The following ZNF594 variants were observed in gnomAD, a reference collection of about 807,000 sequenced individuals.
ZNF594 encodes zinc finger protein 594.
For synonymous variants in ZNF594, 336 were observed against 309.4 expected, an observed-to-expected ratio of 1.09 and a Z score of -0.90; for missense variants, 1,037 against 964.6, an observed-to-expected ratio of 1.08 and a Z score of -0.99.
downstream of ZNF594, among the ~76,000 whole-genome samples, chr17:5,176,263 T>G (rs2051582421): frequency 6.6e-6 from 1 of 151,738 alleles, no homozygotes; most frequent in African/African-American, 2.4e-5. Flanking sequence ...GGCATGGTGG[T>G]GCATGCCTGT....
chr17:5,176,424 A>G (rs2074308273), downstream of ZNF594, among the ~76,000 whole-genome samples: 1 of 151,364 alleles, frequency 6.6e-6, no homozygotes. Context: ...AAAGAATAAA[A>G]TGAAACATGT....
In ZNF594 at chr17:5,184,374, A is replaced by T. The variant is rs1248357572; in HGVS notation, c.-20-98T>A. 3.3e-6 allele frequency: 4 copies of T among 1,226,284 alleles called. No individual in the cohort carries two copies. In the Admixed American group the frequency reaches 8.4e-5, roughly 26 times the overall value. 76.0% of individuals were successfully genotyped at this position (1,226,284 alleles called of 1,614,324 possible). ...AAGAGGGAGGAACAAAGAACTCAGAAGACCTTTCCCTGCCAAAGCTGAGAT... is the reference window on the plus strand; with the variant it reads ...AAGAGGGAGGAACAAAGAACTCAGATGACCTTTCCCTGCCAAAGCTGAGAT... On this transcript the variant is annotated intron_variant, in intron 1 of 1. Coordinates refer to ENST00000575779, the MANE Select transcript of ZNF594 (RefSeq NM_032530.2).
At position 5,182,208 on chromosome 17, in the gene ZNF594, A is replaced by G. The variant is rs756925145; in HGVS notation, c.2049T>C (p.Ser683=). 2.5e-6 allele frequency: 4 copies of G among 1,613,378 alleles called. No individual in the cohort carries two copies. In the South Asian group the frequency reaches 4.4e-5, roughly 18 times the overall value. The change falls in exon 2 of 2, where the codon AGT becomes AGC. Residue 683 remains serine (S), a synonymous_variant. Transcript: ENST00000575779. ...GCCGCCTGAAGGCATTCCCACATTC[A>G]CTGCACTGATAGGGTTTCTCTCCAG... ...IHTGEKPYQC[S]ECGNAFRRRS...
rs2074365470 is a variant in ZNF594 at position 5,183,655 on chromosome 17, T to C, written c.602A>G (p.His201Arg). The change falls in exon 2 of 2, where the codon CAT (histidine) becomes CGT (arginine). Residue 201 changes from histidine (H) to arginine (R), a missense_variant. By Grantham distance (29) the His-to-Arg change is conservative. Coordinates refer to ENST00000575779, the MANE Select transcript of ZNF594 (RefSeq NM_032530.2). ...DFNQSSNLVR[H>R]KQIHSGGNPY... ...ATTCCCACCACTGTGAATTTGCTTA[T>C]GTCTCACCAGATTGGAGCTCTGATT... 1 of 1,614,254 alleles carries C rather than the reference T, an allele frequency of 6.2e-7. No homozygotes were observed. The highest frequency in any genetic ancestry group is 1.3e-5 in the African/African-American group (1 of 75,074).
downstream of ZNF594, chr17:5,175,090 T>C (rs2074295596): frequency 5.8e-6 from 1 of 172,432 alleles, no homozygotes; most frequent in Non-Finnish European, 1.3e-5. Context: ...ATAATTTCTT[T>C]CTGACTTGTA....
intron 1 of ZNF594, among the ~76,000 whole-genome samples, chr17:5,191,144 C>G (rs2074421079): frequency 6.6e-6 from 1 of 152,158 alleles, no homozygotes; most frequent in African/African-American, 2.4e-5. Context: ...CTAGCTGCCT[C>G]TCGGTTGCCG....
At position 5,183,622 on chromosome 17, in the gene ZNF594, T is replaced by G. The variant is rs2074365184; in HGVS notation, c.635A>C (p.Glu212Ala). ...KQIHSGGNPY[E>A]CKECGKAFKG... ...AAAAGCCTTCCCACACTCTTTGCACTCATAGGGATTCCCACCACTGTGAAT... is the reference window on the plus strand; with the variant it reads ...AAAAGCCTTCCCACACTCTTTGCACGCATAGGGATTCCCACCACTGTGAAT... The change falls in exon 2 of 2, where the codon GAG becomes GCG. Residue 212 changes from glutamate (E) to alanine (A), a missense_variant. Coordinates refer to ENST00000575779, the MANE Select transcript of ZNF594 (RefSeq NM_032530.2). 1 of 1,614,180 alleles carries G rather than the reference T, an allele frequency of 6.2e-7. No individual in the cohort carries two copies. Among genetic ancestry groups the G allele is most frequent in the East Asian group, 2.2e-5 (1 of 44,878 alleles).
rs78690846 is a variant in ZNF594, at chr17:5,190,623, C to G, written c.-21+1125G>C. On this transcript the variant is annotated intron_variant, in intron 1 of 1. Coordinates refer to ENST00000575779, the MANE Select transcript of ZNF594 (RefSeq NM_032530.2). Reference sequence around the variant, plus strand: ...CACACATGAAACAAGGTAGTAAGAGCCTATGAATTAGATGCTAAAAGCGCT... The same window carrying G: ...CACACATGAAACAAGGTAGTAAGAGGCTATGAATTAGATGCTAAAAGCGCT... Among the ~76,000 whole-genome samples, 1,131 of 152,254 alleles carry G rather than the reference C, an allele frequency of 7.4e-3. 20 individuals are homozygous for G. Among genetic ancestry groups the G allele is most frequent in the African/African-American group, 0.025 (1,046 of 41,548 alleles).
In ZNF594 at chr17:5,182,486, T is replaced by C. The variant is rs761981578; in HGVS notation, c.1771A>G (p.Thr591Ala). ...SDLIRHQVTHTREKPYECKEC... is the reference protein window; with the variant it reads ...SDLIRHQVTHAREKPYECKEC... ...TTGCATTCATATGGTTTCTCTCTTG[T>C]ATGAGTTACCTGATGTCTGATGAGG... The change falls in exon 2 of 2, where the codon ACA (threonine) becomes GCA (alanine). Residue 591 changes from threonine (T) to alanine (A), a missense_variant. Transcript: ENST00000575779. 5.9e-5 allele frequency: 96 copies of C among 1,613,870 alleles called. No individual in the cohort carries two copies. Among genetic ancestry groups the C allele is most frequent in the Non-Finnish European group, 7.9e-5 (93 of 1,179,974 alleles).
At chr17:5,175,873 ATAAAGT>A (rs1046491599), downstream of ZNF594, among the ~76,000 whole-genome samples, 19 of 152,140 alleles carry the variant, frequency 1.2e-4, no homozygotes, top group African/African-American at 4.6e-4. Context: ...TTGTTCACCT[ATAAAGT>A]TAAAATACGG....
chr17:5,177,720 C>T (rs747172659), downstream of ZNF594, among the ~76,000 whole-genome samples: 4 of 152,116 alleles, frequency 2.6e-5, no homozygotes, highest in Non-Finnish European at 5.9e-5. Flanking sequence ...CCTGTAACTC[C>T]AGCTACTCAG....
At chr17:5,187,326 A>G (rs1000574711) in intron 1 of ZNF594, among the ~76,000 whole-genome samples, 3 of 152,238 alleles carry the variant, frequency 2.0e-5, no homozygotes, top group African/African-American at 7.2e-5. Context: ...TGAAAACAGT[A>G]TGGGGGAACC....
intron 1 of ZNF594, among the ~76,000 whole-genome samples, chr17:5,190,646 G>A (rs929786389): frequency 1.3e-5 from 2 of 152,198 alleles, no homozygotes; most frequent in African/African-American, 4.8e-5. Flanking sequence ...TGCTAAAAGC[G>A]CTGCGGTGGC....
intron 1 of ZNF594, among the ~76,000 whole-genome samples, chr17:5,184,627 T>G (rs1214791467): frequency 6.6e-6 from 1 of 152,082 alleles, no homozygotes; most frequent in African/African-American, 2.4e-5. Context: ...CCTGAACTGG[T>G]TCACAGGAAG....
downstream of ZNF594, among the ~76,000 whole-genome samples, chr17:5,177,957 C>T (rs1340767947): frequency 6.6e-6 from 1 of 152,118 alleles, no homozygotes; most frequent in Non-Finnish European, 1.5e-5. Flanking sequence ...AACAAAAATA[C>T]TGTTCCACAA....
chr17:5,183,579 A>G lies in ZNF594; in HGVS notation c.678T>C (p.Leu226=). ...CGKAFKGSSN[L]VLHQRIHSRG... Reference sequence around the variant, plus strand: ...TACTGTGGATTCTCTGGTGCAGGACAAGGTTTGAGCTTCCCTTAAAAGCCT... The same window carrying G: ...TACTGTGGATTCTCTGGTGCAGGACGAGGTTTGAGCTTCCCTTAAAAGCCT... The change falls in exon 2 of 2, where the codon CTT becomes CTC. Residue 226 remains leucine, a synonymous_variant. Transcript: ENST00000575779. 6.2e-7 allele frequency: 1 copy of G among 1,614,184 alleles called. No individual in the cohort carries two copies. Among genetic ancestry groups the G allele is most frequent in the Non-Finnish European group, 8.5e-7 (1 of 1,180,018 alleles).
intron 1 of ZNF594, among the ~76,000 whole-genome samples, chr17:5,188,231 G>C (rs1230020563): frequency 6.8e-6 from 1 of 146,256 alleles, no homozygotes; most frequent in African/African-American, 2.5e-5. Flanking sequence ...TTCAGGAGCA[G>C]ATTACTATTT....
At chr17:5,174,184 C>T in the ZNF594 span, 1 of 194,694 alleles carries the variant, frequency 5.1e-6, no homozygotes, top group Non-Finnish European at 1.1e-5. Context: ...TTCATTTTTT[C>T]CCTCTAATTA....
At chr17:5,187,706 T>C (rs538747168) in intron 1 of ZNF594, among the ~76,000 whole-genome samples, 1 of 152,228 alleles carries the variant, frequency 6.6e-6, no homozygotes, top group South Asian at 2.1e-4. Context: ...AATAATAGTA[T>C]TTACCTCATA....
Sources: gnomAD v4.1 joint callset for allele counts (sites outside exome capture counted in the v4.1 genomes callset) on GRCh38, gnomAD v4.1.1 for gene constraint, MANE v1.5 for transcripts, NCBI Gene and HGNC (gene_info 2026-07-23, HGNC 2026-07-21) for gene names.